The following CAMTA1 variants were observed in gnomAD, a reference collection of about 807,000 sequenced individuals.
The protein encoded by CAMTA1 is calmodulin binding transcription activator 1, also known as calmodulin-binding transcription activator 1.
In CAMTA1, 27 loss-of-function variants were observed where a neutral mutation model predicts 170.9. The observed-to-expected ratio is 0.16, with a 90% CI of 0.12 to 0.22. The LOEUF (loss-of-function observed/expected upper bound fraction) is 0.22. Among genes scored for constraint, CAMTA1 ranks in the 10% least tolerant of loss-of-function variants. The probability of loss-of-function intolerance (pLI) is 1.00; values close to 1 mark genes in which losing one functional copy is unlikely to be tolerated. For missense variants in CAMTA1, 1,619 were observed against 2,217.2 expected (o/e 0.73, Z 5.42); for synonymous variants, 833 against 891.5 (o/e 0.93, Z 1.17).
chr1:7,430,213 T>C (rs1387096459), intron 5 of CAMTA1, among the ~76,000 whole-genome samples: 1 of 151,104 alleles, frequency 6.6e-6, no homozygotes, highest in Non-Finnish European at 1.5e-5. Context: ...TGGATGATGG[T>C]GATTATGGTG....
intron 5 of CAMTA1, among the ~76,000 whole-genome samples, chr1:7,276,125 G>T (rs918188117): frequency 6.7e-6 from 1 of 148,336 alleles, no homozygotes; most frequent in East Asian, 2.0e-4. Context: ...ACAGAACAAA[G>T]AATATTGACC....
chr1:6,872,083 A>G (rs1668552166), intron 3 of CAMTA1: 2 of 663,886 alleles, frequency 3.0e-6, no homozygotes, highest in Non-Finnish European at 3.9e-6. Context: ...CCCATACAGT[A>G]TATTTCCTTT....
At chr1:7,228,222 A>G (rs556970286) in intron 4 of CAMTA1, among the ~76,000 whole-genome samples, 1 of 152,308 alleles carries the variant, frequency 6.6e-6, no homozygotes, top group Non-Finnish European at 1.5e-5. Context: ...CTTCAGCTCA[A>G]TTCATGTATG....
chr1:6,812,753 G>C (rs562289594), intron 1 of CAMTA1, among the ~76,000 whole-genome samples: 1 of 152,020 alleles, frequency 6.6e-6, no homozygotes, highest in Admixed American at 6.6e-5. Context: ...CATGCTTTAC[G>C]TGCATCTCTG....
chr1:6,799,411 A>G (rs1643381132), intron 1 of CAMTA1, among the ~76,000 whole-genome samples: 1 of 152,220 alleles, frequency 6.6e-6, no homozygotes, highest in Non-Finnish European at 1.5e-5. Flanking sequence ...GCAGGACTCA[A>G]GGATCCCAGC....
At position 7,735,399 on chromosome 1, in the gene CAMTA1, C is replaced by T. The variant is rs188734061; in HGVS notation, c.3067-945C>T. Among the ~76,000 whole-genome samples the T allele has an allele frequency of 1.7e-4, 26 of 149,468 alleles. 2 individuals carry two copies. In the East Asian group the frequency reaches 3.6e-3, roughly 21 times the overall value. ...AGCAGAGGTTGGAATGAGCCAAGAT[C>T]GTGCCACTGCACTCCAGCCTGGGTG... On this transcript the variant is annotated intron_variant, in intron 12 of 22. Transcript: ENST00000303635.
chr1:7,148,205 G>A (rs1007274047), intron 4 of CAMTA1, among the ~76,000 whole-genome samples: 1 of 137,486 alleles, frequency 7.3e-6, no homozygotes, highest in Non-Finnish European at 1.6e-5. Context: ...GCACCATGTA[G>A]ACACACACTC....
chr1:7,480,197 AT>A (rs2093496135), intron 6 of CAMTA1, among the ~76,000 whole-genome samples: 3 of 84,074 alleles, frequency 3.6e-5, no homozygotes, highest in South Asian at 8.8e-4. Flanking sequence ...ATGTGTGTGC[AT>A]GTGTGTGAGT....
intron 3 of CAMTA1, among the ~76,000 whole-genome samples, chr1:7,034,922 G>GT (rs974841406): frequency 2.5e-4 from 38 of 152,074 alleles, no homozygotes; most frequent in East Asian, 1.4e-3. Context: ...AAAATCAGTT[G>GT]TTTTTTTTAA....
intron 5 of CAMTA1, among the ~76,000 whole-genome samples, chr1:7,457,595 G>A (rs949840993): frequency 2.0e-4 from 30 of 152,246 alleles, no homozygotes; most frequent in African/African-American, 6.7e-4. Context: ...TGTTCTCCGC[G>A]ACTCTTACCT....
chr1:6,906,418 G>A (rs1678495449), intron 3 of CAMTA1, among the ~76,000 whole-genome samples: 1 of 152,120 alleles, frequency 6.6e-6, no homozygotes, highest in Non-Finnish European at 1.5e-5. Flanking sequence ...CATGGGTAGT[G>A]GCCCTTCTCC....
chr1:7,001,897 C>CTTCT (rs777475717), intron 3 of CAMTA1, among the ~76,000 whole-genome samples: 2,061 of 137,384 alleles, frequency 0.015, 67 homozygotes, highest in African/African-American at 0.051. Flanking sequence ...TCTTCTTCTT[C>CTTCT]TTTTTTTTTT....
intron 4 of CAMTA1, among the ~76,000 whole-genome samples, chr1:7,206,951 A>C (rs894653087): frequency 6.6e-6 from 1 of 152,066 alleles, no homozygotes; most frequent in Non-Finnish European, 1.5e-5. Context: ...TGCTTCTTCT[A>C]AGTGCCCCTC....
At chr1:6,808,528 G>A (rs967984381) in intron 1 of CAMTA1, among the ~76,000 whole-genome samples, 4 of 152,198 alleles carry the variant, frequency 2.6e-5, no homozygotes, top group African/African-American at 9.7e-5. Context: ...AATAGGAGAA[G>A]CCTTCTTGAC....
At chr1:7,506,772 G>C (rs2094120826) in intron 6 of CAMTA1, among the ~76,000 whole-genome samples, 1 of 150,128 alleles carries the variant, frequency 6.7e-6, no homozygotes, top group Admixed American at 6.6e-5. Flanking sequence ...CACACTCAAT[G>C]CAAACTCACA....
At chr1:6,869,609 G>A (rs1667797538) in intron 3 of CAMTA1, among the ~76,000 whole-genome samples, 1 of 152,072 alleles carries the variant, frequency 6.6e-6, no homozygotes, top group Non-Finnish European at 1.5e-5. Flanking sequence ...ACTCCTAGTA[G>A]CCTTTACCTT....
intron 5 of CAMTA1, among the ~76,000 whole-genome samples, chr1:7,392,148 G>A (rs1185510646): frequency 6.6e-6 from 1 of 152,146 alleles, no homozygotes; most frequent in African/African-American, 2.4e-5. Context: ...AGTTGGCTGG[G>A]CACTGTGGCT....
intron 5 of CAMTA1, among the ~76,000 whole-genome samples, chr1:7,303,268 G>A (rs148955855): frequency 6.6e-6 from 1 of 152,312 alleles, no homozygotes; most frequent in East Asian, 1.9e-4. Context: ...AGCACCACAA[G>A]CTTTGAATTA....
intron 3 of CAMTA1, among the ~76,000 whole-genome samples, chr1:7,078,789 C>T (rs780120631): frequency 1.3e-5 from 2 of 152,214 alleles, no homozygotes; most frequent in Non-Finnish European, 2.9e-5. Flanking sequence ...CTTTGTATTT[C>T]TGCATGGAGG....
Sources: allele counts gnomAD v4.1 joint callset (sites outside exome capture counted in the v4.1 genomes callset), GRCh38; gene constraint gnomAD v4.1.1; transcripts MANE v1.5; gene names NCBI Gene and HGNC (gene_info 2026-07-23, HGNC 2026-07-21).